ZNF385D: variants seen among roughly 807,000 people sequenced by gnomAD.
The protein encoded by ZNF385D is zinc finger protein 385D.
In ZNF385D, 15 loss-of-function variants were observed where a neutral mutation model predicts 35.8. The observed-to-expected ratio is 0.42, with a 90% confidence interval of 0.28 to 0.64. The LOEUF is 0.64. Among genes scored for constraint, ZNF385D ranks in the 30% least tolerant of loss-of-function variants. ZNF385D has a pLI of 0.23. For missense variants in ZNF385D, 474 were observed against 494.6 expected, an observed-to-expected ratio of 0.96 and a Z score of 0.39; for synonymous variants, 212 against 186.8, an observed-to-expected ratio of 1.13 and a Z score of -1.10.
chr3:22,234,348 T>G (rs138481701), intron 2 of ZNF385D, among the ~76,000 whole-genome samples: 2 of 152,124 alleles, frequency 1.3e-5, no homozygotes, highest in Non-Finnish European at 2.9e-5. Flanking sequence ...ATCACCCTAG[T>G]GCTTTTTGAA....
intron 3 of ZNF385D, among the ~76,000 whole-genome samples, chr3:22,164,774 T>G (rs114369431): frequency 0.022 from 3,419 of 152,196 alleles, 58 homozygotes; most frequent in Non-Finnish European, 0.034. Context: ...CTCATGTGGC[T>G]GTGTTATGGG....
At chr3:22,025,935 G>GC (rs1697518084) in intron 3 of ZNF385D, among the ~76,000 whole-genome samples, 1 of 152,100 alleles carries the variant, frequency 6.6e-6, no homozygotes, top group Non-Finnish European at 1.5e-5. Context: ...TGAATAATTG[G>GC]ATCTCAAGGT....
chr3:21,451,773 GA>G (rs555195749), intron 4 of ZNF385D, among the ~76,000 whole-genome samples: 30 of 152,110 alleles, frequency 2.0e-4, no homozygotes, highest in Admixed American at 5.9e-4. Context: ...AGTACTACGA[GA>G]AAAACATTAA....
chr3:21,553,726 A>G (rs762080571), intron 3 of ZNF385D, among the ~76,000 whole-genome samples: 14 of 152,188 alleles, frequency 9.2e-5, no homozygotes, highest in African/African-American at 1.9e-4. Context: ...TGCTCTGTCA[A>G]TTAGGTTTAT....
Position 21,416,714 on chromosome 3 carries a change from A to G in ZNF385D, c.*4500T>C, listed in dbSNP as rs891807771. On this transcript the variant is annotated 3_prime_UTR_variant, in exon 8 of 8. Coordinates refer to ENST00000281523, the MANE Select transcript of ZNF385D (RefSeq NM_024697.3). ...TTAAATAATTCCTGTAACAATGACA[A>G]GAGCGCATAACTGATATACTTGTCT... The G allele has an allele frequency of 5.9e-5, 9 of 152,170 alleles. No individual in the cohort carries two copies. Among genetic ancestry groups the G allele is most frequent in the African/African-American group, 2.2e-4 (9 of 41,448 alleles). 9.4% of individuals were successfully genotyped at this position (152,170 alleles called of 1,614,324 possible).
intron 2 of ZNF385D, among the ~76,000 whole-genome samples, chr3:22,194,827 T>A (rs867856225): frequency 6.6e-6 from 1 of 152,002 alleles, no homozygotes; most frequent in Middle Eastern, 3.4e-3. Context: ...TATTAATAGG[T>A]TGTTCTTTTT....
At position 21,539,931 on chromosome 3, in the gene ZNF385D, T is replaced by C. The variant is rs570612617; in HGVS notation, c.276+24643A>G. On this transcript the variant is annotated intron_variant, in intron 3 of 7. Transcript: ENST00000281523. The surrounding 1 kb of genome is among the most constrained non-coding windows in gnomAD (Gnocchi z 4.0). ...CTTTTTAAACCATGAAGATAGCTAG[T>C]TAGTTTTACTTAAAATAAGATGAAA... 6.6e-6 allele frequency among the ~76,000 whole-genome samples: 1 copy of C among 152,252 alleles called. No individual in the cohort carries two copies. The highest frequency in any genetic ancestry group is 2.4e-5 in the African/African-American group (1 of 41,558).
chr3:22,331,559 T>C (rs1330383391), intron 2 of ZNF385D, among the ~76,000 whole-genome samples: 1 of 152,180 alleles, frequency 6.6e-6, no homozygotes, highest in African/African-American at 2.4e-5. Flanking sequence ...GCTGTTATAA[T>C]TATAGTACAA....
intron 2 of ZNF385D, among the ~76,000 whole-genome samples, chr3:21,601,337 A>G (rs6775549): frequency 0.4 from 60,271 of 151,524 alleles, 12,046 homozygotes; most frequent in Middle Eastern, 0.44. Flanking sequence ...GAAGTAAAAC[A>G]GTCAAAACTC....
intron 2 of ZNF385D, among the ~76,000 whole-genome samples, chr3:22,305,276 C>T (rs1703142336): frequency 6.6e-6 from 1 of 152,126 alleles, no homozygotes; most frequent in East Asian, 1.9e-4. Context: ...TAGTATGCTA[C>T]TTTTTTGTTG....
intron 1 of ZNF385D, among the ~76,000 whole-genome samples, chr3:21,746,764 T>C (rs1429948998): frequency 6.6e-6 from 1 of 152,202 alleles, no homozygotes; most frequent in African/African-American, 2.4e-5. Context: ...AGGAGTTAAA[T>C]GTTTCCACTG....
At chr3:21,795,134 T>G (rs2072093146) in intron 3 of ZNF385D, among the ~76,000 whole-genome samples, 1 of 152,232 alleles carries the variant, frequency 6.6e-6, no homozygotes, top group East Asian at 1.9e-4. Context: ...CCAGCCCTGG[T>G]TGTCCTCAGC....
At position 21,592,658 on chromosome 3, in the gene ZNF385D, C is replaced by G. The variant is rs79880734; in HGVS notation, c.166-27974G>C. Among the ~76,000 whole-genome samples, 192 of 151,936 alleles carry G rather than the reference C, an allele frequency of 1.3e-3. 2 individuals are homozygous for G. The highest frequency in any genetic ancestry group is 0.01 in the East Asian group (52 of 5,158). Reference sequence around the variant, plus strand: ...ATCTGCAGTAAAGCTTATGTTTGCTCAAACTCCCATTCTCAAATCAGATCG... The same window carrying G: ...ATCTGCAGTAAAGCTTATGTTTGCTGAAACTCCCATTCTCAAATCAGATCG... On this transcript the variant is annotated intron_variant, in intron 2 of 7. Transcript: ENST00000281523.
chr3:21,811,235 G>A (rs7629066), intron 3 of ZNF385D, among the ~76,000 whole-genome samples: 140,341 of 152,136 alleles, frequency 0.92, 64,853 homozygotes, highest in East Asian at 0.98. Context: ...AGCAAGACAA[G>A]CACAGCAGCA....
intron 2 of ZNF385D, among the ~76,000 whole-genome samples, chr3:22,309,101 T>C (rs534823957): frequency 3.9e-5 from 6 of 152,162 alleles, no homozygotes; most frequent in African/African-American, 9.6e-5. Flanking sequence ...GGTGCCAAGA[T>C]ATTCCACTAA....
intron 1 of ZNF385D, among the ~76,000 whole-genome samples, chr3:21,744,965 C>A (rs1038925879): frequency 6.6e-6 from 1 of 152,172 alleles, no homozygotes; most frequent in East Asian, 1.9e-4. Flanking sequence ...TTAGGGAATG[C>A]GTGGAGGAAG....
chr3:22,283,367 C>T (rs1701866671), intron 2 of ZNF385D, among the ~76,000 whole-genome samples: 1 of 152,148 alleles, frequency 6.6e-6, no homozygotes, highest in Non-Finnish European at 1.5e-5. Context: ...TACCCAACAA[C>T]TGCAGAATAT....
chr3:21,988,169 C>A lies in ZNF385D; in HGVS notation c.325+180648G>T, dbSNP rs1244852711. ...CATCTGAAGCCTTCTTCTCTCAACT[C>A]GTCAAAATCATTCTCCATCCAGCTT... is the stretch of plus-strand genomic sequence containing the variant. On this transcript the variant is annotated intron_variant, in intron 3 of 5. Coordinates refer to the ZNF385D transcript ENST00000494108. Among the ~76,000 whole-genome samples, 2 of 131,998 alleles carry A rather than the reference C, an allele frequency of 1.5e-5. 1 individual carries two copies. The highest frequency in any genetic ancestry group is 3.3e-5 in the Non-Finnish European group (2 of 60,594). 86.6% of individuals were successfully genotyped at this position (131,998 alleles called of 152,430 possible). A position where few individuals can be genotyped will look rare whatever the true frequency, so the allele number is the denominator to read the frequency against.
chr3:22,046,353 T>C (rs1050177076), intron 3 of ZNF385D, among the ~76,000 whole-genome samples: 1 of 152,132 alleles, frequency 6.6e-6, no homozygotes, highest in African/African-American at 2.4e-5. Context: ...TAATACTCAA[T>C]AGAGACATTC....
Sources: gnomAD v4.1 joint callset for allele counts (sites outside exome capture counted in the v4.1 genomes callset) on GRCh38, gnomAD v4.1.1 for gene constraint, Gnocchi (gnomAD v3.1) non-coding constraint, MANE v1.5 for transcripts, NCBI Gene and HGNC (gene_info 2026-07-23, HGNC 2026-07-21) for gene names.